TTC39B: variants seen among roughly 807,000 people sequenced by gnomAD.
The protein encoded by TTC39B is tetratricopeptide repeat protein 39B.
Under a neutral mutation model 96.6 loss-of-function variants are expected in TTC39B, and 92 were observed. That is an observed-to-expected ratio of 0.95 (90% confidence interval 0.80 to 1.13). The LOEUF (loss-of-function observed/expected upper bound fraction) is 1.13. Among genes scored for constraint, TTC39B ranks in the 50% most tolerant of loss-of-function variants. The pLI is 0.00. For synonymous variants in TTC39B, 367 were observed against 299.4 expected (o/e 1.23, Z -2.33); for missense variants, 955 against 809.3 (o/e 1.18, Z -2.18).
chr9:15,167,013 TATATATATATATATA>T (rs1204125075), exon 20 of TTC39B: 13 of 8,274 alleles, frequency 1.6e-3, no homozygotes, highest in African/African-American at 2.7e-3. Context: ...TATATATATA[TATATATATATATATA>T]TTTTTTTTTT....
At chr9:15,213,579 G>C (rs1283690566) in intron 4 of TTC39B, among the ~76,000 whole-genome samples, 3 of 152,224 alleles carry the variant, frequency 2.0e-5, no homozygotes, top group African/African-American at 7.2e-5. Context: ...ATCTAAGCAA[G>C]TGTTTGAGGG....
chr9:15,274,738 A>G (rs1411615374), intron 1 of TTC39B, among the ~76,000 whole-genome samples: 1 of 152,248 alleles, frequency 6.6e-6, no homozygotes. Flanking sequence ...CACTAAGTTT[A>G]TCTTCTTAAT....
rs543152513 is a variant in TTC39B at position 15,234,795 on chromosome 9, G to A, written c.276-8783C>T. On this transcript the variant is annotated intron_variant, in intron 2 of 19. Transcript: ENST00000512701. ...CAGGGTTAAATGGATTAAGGGCGGT[G>A]CAAGATGTGCTTTCTTAAACAGATG... Among the ~76,000 whole-genome samples, 1,059 of 151,838 alleles carry A rather than the reference G, an allele frequency of 7.0e-3. 6 individuals are homozygous for A. The highest frequency in any genetic ancestry group is 0.025 in the South Asian group (119 of 4,784).
chr9:15,165,531 A>G (rs941209518), exon 20 of TTC39B: 11 of 152,384 alleles, frequency 7.2e-5, no homozygotes, highest in African/African-American at 2.6e-4. Flanking sequence ...CTATGAAGAA[A>G]TATCTGAGAC....
At chr9:15,243,359 A>C (rs1822130926) in intron 2 of TTC39B, among the ~76,000 whole-genome samples, 1 of 152,214 alleles carries the variant, frequency 6.6e-6, no homozygotes, top group South Asian at 2.1e-4. Flanking sequence ...ATGGGGATGA[A>C]AGTTCCAGAG....
At chr9:15,291,956 G>C (rs572930790) in intron 1 of TTC39B, among the ~76,000 whole-genome samples, 33 of 152,314 alleles carry the variant, frequency 2.2e-4, no homozygotes, top group Admixed American at 1.0e-3. Flanking sequence ...AATCAAATGG[G>C]AATTCTAATG....
At chr9:15,187,545 G>C (rs578142752) in intron 14 of TTC39B, among the ~76,000 whole-genome samples, 1 of 152,066 alleles carries the variant, frequency 6.6e-6, no homozygotes, top group African/African-American at 2.4e-5. Flanking sequence ...CTGTAGCCTC[G>C]AACTCTTGGA....
At chr9:15,254,709 A>T (rs188310098) in intron 2 of TTC39B, among the ~76,000 whole-genome samples, 4 of 152,168 alleles carry the variant, frequency 2.6e-5, no homozygotes, top group South Asian at 2.1e-4. Context: ...GATTACATAA[A>T]ATTATTTTAA....
chr9:15,275,322 T>A lies in TTC39B; in HGVS notation c.241-7374A>T, dbSNP rs142788540. On this transcript the variant is annotated intron_variant, in intron 1 of 19. Transcript: ENST00000512701. ...TCCCAAAGTGCTGGGATTACAGGCA[T>A]GAGCCAACGCTCCCAGCCAGTTCTG... 3.0e-3 allele frequency among the ~76,000 whole-genome samples: 455 copies of A among 152,340 alleles called. 2 individuals are homozygous for A. Among genetic ancestry groups the A allele is most frequent in the African/African-American group, 0.01 (430 of 41,588 alleles).
chr9:15,218,635 A>AAAAAAAAAAAAAAAATATATATATAT (rs374054306), intron 3 of TTC39B, among the ~76,000 whole-genome samples: 4 of 149,530 alleles, frequency 2.7e-5, no homozygotes, highest in African/African-American at 7.4e-5. Context: ...GTCTATTTTA[A>AAAAAAAAAAAAAAAATATATATATAT]ATATATATAT....
intron 1 of TTC39B, among the ~76,000 whole-genome samples, chr9:15,288,939 C>T (rs1006639349): frequency 2.0e-5 from 3 of 152,256 alleles, no homozygotes; most frequent in Non-Finnish European, 4.4e-5. Flanking sequence ...AGGGAACTCT[C>T]ATAGGCTATT....
chr9:15,202,224 G>GA (rs762056231), intron 7 of TTC39B, among the ~76,000 whole-genome samples: 2 of 152,078 alleles, frequency 1.3e-5, no homozygotes, highest in Admixed American at 6.5e-5. Flanking sequence ...TTGGAAAACA[G>GA]AAAAAAACTT....
intron 1 of TTC39B, among the ~76,000 whole-genome samples, chr9:15,282,053 A>G (rs567075630): frequency 4.8e-4 from 73 of 152,338 alleles, no homozygotes; most frequent in African/African-American, 1.7e-3. Context: ...TTTTACAGTT[A>G]AAAGAAATTT....
At chr9:15,164,225 G>A (rs1221471191) in exon 20 of TTC39B, 1 of 152,108 alleles carries the variant, frequency 6.6e-6, no homozygotes, top group Non-Finnish European at 1.5e-5. Flanking sequence ...AAAGATTGGA[G>A]ACTAAAATGT....
chr9:15,275,292 C>T (rs1053050610), intron 1 of TTC39B, among the ~76,000 whole-genome samples: 1 of 152,180 alleles, frequency 6.6e-6, no homozygotes, highest in African/African-American at 2.4e-5. Flanking sequence ...CTGCCCGCCT[C>T]GGCCTCCCAA....
chr9:15,180,886 C>A (rs1818214110), intron 17 of TTC39B, among the ~76,000 whole-genome samples: 1 of 152,128 alleles, frequency 6.6e-6, no homozygotes, highest in African/African-American at 2.4e-5. Context: ...AATTATTTCA[C>A]CCAGAGAGAG....
chr9:15,172,170 C>G (rs576476541), intron 19 of TTC39B, 61 bp from the exon 20 acceptor site: 1 of 1,117,380 alleles, frequency 8.9e-7, no homozygotes, highest in South Asian at 1.3e-5. Flanking sequence ...GGTACCACCA[C>G]TCTCCCATTC....
intron 19 of TTC39B, 141 bp downstream of exon 19, chr9:15,174,878 C>A: frequency 3.0e-6 from 2 of 661,432 alleles, no homozygotes; most frequent in South Asian, 1.9e-5. Context: ...GAGCATAAAT[C>A]AACCAGAAGT....
intron 2 of TTC39B, among the ~76,000 whole-genome samples, chr9:15,244,971 T>G (rs996511785): frequency 6.6e-6 from 1 of 152,224 alleles, no homozygotes; most frequent in African/African-American, 2.4e-5. Flanking sequence ...CAAAAAGTCA[T>G]TTTCTCAGGC....
Sources: gnomAD v4.1 joint callset for allele counts (sites outside exome capture counted in the v4.1 genomes callset) on GRCh38, gnomAD v4.1.1 for gene constraint, MANE v1.5 for transcripts, NCBI Gene and HGNC (gene_info 2026-07-23, HGNC 2026-07-21) for gene names.